The following SMAD3 variants were observed in gnomAD, a reference collection of about 807,000 sequenced individuals.
SMAD3 encodes the protein MAD homolog 3.
SMAD3 carries 12 observed loss-of-function variants against 51.8 expected under a neutral mutation model. The observed-to-expected ratio is 0.23, with a 90% CI of 0.15 to 0.38. The LOEUF (loss-of-function observed/expected upper bound fraction) is 0.38, where lower values mean the gene tolerates loss of function less well. Among genes scored for constraint, SMAD3 ranks in the 10% least tolerant of loss-of-function variants. The pLI is 1.00. For missense variants in SMAD3, 294 were observed against 565.6 expected (o/e 0.52, Z 4.87); for synonymous variants, 238 against 227.7 (o/e 1.05, Z -0.41).
chr15:67,144,427 T>C (rs1475360234), intron 1 of SMAD3, among the ~76,000 whole-genome samples: 2 of 152,262 alleles, frequency 1.3e-5, no homozygotes, highest in Non-Finnish European at 2.9e-5. Flanking sequence ...AAGTTTCTCC[T>C]GAAGTAGTAT....
chr15:67,169,801 C>T (rs1271954849), intron 4 of SMAD3, among the ~76,000 whole-genome samples: 3 of 152,016 alleles, frequency 2.0e-5, no homozygotes, highest in East Asian at 1.9e-4. Context: ...GGAGCGGGGA[C>T]GAGCAGGATG....
intron 1 of SMAD3, among the ~76,000 whole-genome samples, chr15:67,116,243 G>A (rs1472673265): frequency 6.6e-6 from 1 of 152,204 alleles, no homozygotes; most frequent in Non-Finnish European, 1.5e-5. Context: ...CTGCCTCCAG[G>A]TAGAGAGTGA....
intron 1 of SMAD3, among the ~76,000 whole-genome samples, chr15:67,117,304 C>A (rs1314966735): frequency 6.6e-6 from 1 of 152,180 alleles, no homozygotes; most frequent in African/African-American, 2.4e-5. Context: ...CAAATGATGA[C>A]CCCAGGTTCT....
intron 1 of SMAD3, among the ~76,000 whole-genome samples, chr15:67,113,076 G>GTGTGTATATATATATA (rs763595789): frequency 2.9e-5 from 1 of 34,972 alleles, no homozygotes; most frequent in Non-Finnish European, 5.8e-5. Flanking sequence ...ATATATATGT[G>GTGTGTATATATATATA]TATATATATA....
chr15:67,160,749 C>T (rs1397546118), intron 1 of SMAD3, among the ~76,000 whole-genome samples: 13 of 117,092 alleles, frequency 1.1e-4, no homozygotes, highest in Admixed American at 2.4e-4. Flanking sequence ...CCAGCCTGGG[C>T]GACAGAGCGA....
intron 1 of SMAD3, among the ~76,000 whole-genome samples, chr15:67,095,509 C>A (rs1960596306): frequency 6.6e-6 from 1 of 151,936 alleles, no homozygotes; most frequent in African/African-American, 2.4e-5. Flanking sequence ...TCAGGAGGGC[C>A]CTATGCTTGG....
intron 5 of SMAD3, among the ~76,000 whole-genome samples, chr15:67,179,079 C>T (rs1962982846): frequency 1.3e-5 from 2 of 152,210 alleles, no homozygotes; most frequent in African/African-American, 2.4e-5. Context: ...TGAGTTATCT[C>T]TGTCTGTCCA....
chr15:67,113,546 T>C (rs1427761648), intron 1 of SMAD3, among the ~76,000 whole-genome samples: 1 of 152,128 alleles, frequency 6.6e-6, no homozygotes, highest in Non-Finnish European at 1.5e-5. Flanking sequence ...TAAGAGTTAA[T>C]GTTAGTACAA....
At chr15:67,181,669 G>C (rs1424756707) in intron 6 of SMAD3, among the ~76,000 whole-genome samples, 1 of 152,046 alleles carries the variant, frequency 6.6e-6, no homozygotes, top group South Asian at 2.1e-4. Flanking sequence ...TAGTGTTCAG[G>C]CCACTTGATC....
chr15:67,142,825 G>A (rs955453754), intron 1 of SMAD3: 51 of 453,424 alleles, frequency 1.1e-4, no homozygotes, highest in Middle Eastern at 6.5e-4. Context: ...GGGCCCTGTG[G>A]GGCAGCTGGT....
At chr15:67,169,894 A>G (rs1962698507) in intron 4 of SMAD3, among the ~76,000 whole-genome samples, 1 of 152,228 alleles carries the variant, frequency 6.6e-6, no homozygotes, top group Non-Finnish European at 1.5e-5. Context: ...AGAGGTGTAG[A>G]GAACATAATA....
At chr15:67,187,915 A>G (rs1237904854) in intron 8 of SMAD3, among the ~76,000 whole-genome samples, 1 of 152,152 alleles carries the variant, frequency 6.6e-6, no homozygotes, top group Non-Finnish European at 1.5e-5. Flanking sequence ...CATTTTAGGC[A>G]GATGGCTTTA....
chr15:67,117,639 T>A (rs1961165170), intron 1 of SMAD3, among the ~76,000 whole-genome samples: 1 of 152,178 alleles, frequency 6.6e-6, no homozygotes, highest in South Asian at 2.1e-4. Context: ...GTGAAAGAGA[T>A]GTGGTTTGTC....
chr15:67,089,700 A>G (rs1425280099), intron 1 of SMAD3, among the ~76,000 whole-genome samples: 1 of 152,216 alleles, frequency 6.6e-6, no homozygotes, highest in Non-Finnish European at 1.5e-5. Flanking sequence ...GGGGGACACC[A>G]CTACTTTCCT....
At chr15:67,167,957 T>G (rs1962635724) in intron 4 of SMAD3, among the ~76,000 whole-genome samples, 1 of 152,182 alleles carries the variant, frequency 6.6e-6, no homozygotes, top group African/African-American at 2.4e-5. Flanking sequence ...GTGCAATTCC[T>G]TCCCCCACCT....
At chr15:67,186,984 C>T (rs1377034116) in intron 7 of SMAD3, 5 of 454,362 alleles carry the variant, frequency 1.1e-5, no homozygotes, top group Middle Eastern at 6.5e-4. Flanking sequence ...TGGCCCAGGT[C>T]CCTTATCTCT....
chr15:67,084,072 T>C (rs1388775993), intron 1 of SMAD3, among the ~76,000 whole-genome samples: 2 of 34,360 alleles, frequency 5.8e-5, no homozygotes, highest in African/African-American at 9.5e-5. Context: ...TTTTTTTTCT[T>C]TTTTTTTTTT....
chr15:67,129,574 A>G (rs986729318), intron 1 of SMAD3, among the ~76,000 whole-genome samples: 1 of 152,214 alleles, frequency 6.6e-6, no homozygotes, highest in Non-Finnish European at 1.5e-5. Context: ...CACAGTGTCT[A>G]TAGAGTTTGG....
intron 1 of SMAD3, among the ~76,000 whole-genome samples, chr15:67,158,823 A>G (rs1315328054): frequency 6.6e-6 from 1 of 152,216 alleles, no homozygotes; most frequent in African/African-American, 2.4e-5. Context: ...CAGATGGCCA[A>G]GGCAGGGAAA....
Sources: allele counts gnomAD v4.1 joint callset (sites outside exome capture counted in the v4.1 genomes callset), GRCh38; gene constraint gnomAD v4.1.1; transcripts MANE v1.5; gene names NCBI Gene and HGNC (gene_info 2026-07-23, HGNC 2026-07-21).